The following PNPLA7 variants were observed in gnomAD, a reference collection of about 807,000 sequenced individuals.
PNPLA7 encodes the protein patatin like domain 7, lysophospholipase.
PNPLA7 carries 153 observed loss-of-function variants against 161.7 expected under a neutral mutation model. The ratio of observed to expected loss-of-function variants is 0.95; its 90% CI spans 0.83 to 1.08. The LOEUF (loss-of-function observed/expected upper bound fraction) is 1.08. Ranked by LOEUF, PNPLA7 falls within the 50% of genes least tolerant of loss-of-function variation. The pLI, the probability that PNPLA7 is intolerant of heterozygous loss-of-function variation, is 0.00. For missense variants in PNPLA7, 1,739 were observed against 1,856.6 expected, an observed-to-expected ratio of 0.94 and a Z score of 1.16; for synonymous variants, 809 against 782.1, an observed-to-expected ratio of 1.03 and a Z score of -0.57.
chr9:137,514,102 TGCGG>T (rs1834378782), intron 12 of PNPLA7, among the ~76,000 whole-genome samples: 1 of 147,330 alleles, frequency 6.8e-6, no homozygotes, highest in African/African-American at 2.6e-5. Flanking sequence ...GTGGCCGGGC[TGCGG>T]GCGGGTCACC....
intron 4 of PNPLA7, among the ~76,000 whole-genome samples, chr9:137,544,636 G>GT (rs1836389527): frequency 6.6e-6 from 1 of 152,102 alleles, no homozygotes; most frequent in South Asian, 2.1e-4. Context: ...TTTTCTTTTT[G>GT]TTTTTTGTTT....
At chr9:137,504,101 A>AG (rs1237721663) in intron 14 of PNPLA7, among the ~76,000 whole-genome samples, 2,969 of 151,382 alleles carry the variant, frequency 0.02, 111 homozygotes, top group African/African-American at 0.068. Context: ...AGAAGGAAGA[A>AG]GAAGAAAGAA....
chr9:137,531,707 G>A (rs1835589960), intron 8 of PNPLA7, among the ~76,000 whole-genome samples: 1 of 152,198 alleles, frequency 6.6e-6, no homozygotes, highest in African/African-American at 2.4e-5. Context: ...GAATCCTGGT[G>A]TGATGCCATT....
At position 137,467,402 on chromosome 9, in the gene PNPLA7, G is replaced by A. The variant is rs146837935; in HGVS notation, c.2954C>T (p.Thr985Met). The A allele has an allele frequency of 5.1e-4, 816 of 1,613,086 alleles. 1 individual carries two copies. Among genetic ancestry groups the A allele is most frequent in the Non-Finnish European group, 6.5e-4 (768 of 1,179,904 alleles). ...GGCACCCACGAAGGCCCCGATGGAC[G>A]TGCCTCCCACCATGTCCACAGGGAT... The part of the protein sequence containing the change: ...CGIPVDMVGG[T>M]SIGAFVGALY... Residue 985 changes from threonine to methionine, a missense_variant, in exon 26 of 35, where the codon ACG becomes ATG. Transcript: ENST00000406427. This position sits in a 1 kb window ranked among gnomAD's most constrained non-coding sequence, Gnocchi z 5.1.
intron 18 of PNPLA7, among the ~76,000 whole-genome samples, chr9:137,495,696 G>A (rs760648306): frequency 6.6e-5 from 10 of 152,156 alleles, no homozygotes; most frequent in Non-Finnish European, 1.3e-4. Context: ...CGCCGCCTCG[G>A]CCTCCCAAAG....
chr9:137,482,581 G>A (rs561117642), intron 21 of PNPLA7, among the ~76,000 whole-genome samples: 1 of 152,372 alleles, frequency 6.6e-6, no homozygotes, highest in South Asian at 2.1e-4. Flanking sequence ...GGGGTGCTGG[G>A]TGACAACATG....
At chr9:137,494,110 C>A (rs547055407) in intron 19 of PNPLA7, among the ~76,000 whole-genome samples, 2 of 152,196 alleles carry the variant, frequency 1.3e-5, no homozygotes, top group Non-Finnish European at 2.9e-5. Context: ...CACACCTGCA[C>A]CCCCTTTCCA....
intron 8 of PNPLA7, among the ~76,000 whole-genome samples, chr9:137,534,983 C>T (rs952070088): frequency 6.6e-6 from 1 of 152,144 alleles, no homozygotes; most frequent in Non-Finnish European, 1.5e-5. Flanking sequence ...TCCAACCGCA[C>T]GTTTTTTGTA....
chr9:137,509,553 CTGGTGTGAGTGA>C (rs1834104610), intron 12 of PNPLA7: 2 of 288,492 alleles, frequency 6.9e-6, no homozygotes, highest in Admixed American at 7.9e-5. Flanking sequence ...ATGAGTTTAA[CTGGTGTGAGTGA>C]GTTTAACTGG....
rs1458662076 is a variant in PNPLA7, at chr9:137,543,191, T to C, written c.506+241A>G. Among the ~76,000 whole-genome samples, 1 of 152,162 alleles carries C rather than the reference T, an allele frequency of 6.6e-6. No individual in the cohort carries two copies. The highest frequency in any genetic ancestry group is 1.9e-4 in the East Asian group (1 of 5,184). ...TGGATCCACCACACCCTTCTTGCTCTTGCCCTGGGTTCACCGCTGAAGATG... is the reference window on the plus strand; with the variant it reads ...TGGATCCACCACACCCTTCTTGCTCCTGCCCTGGGTTCACCGCTGAAGATG... On this transcript the variant is annotated intron_variant, in intron 6 of 34. Transcript: ENST00000406427. The surrounding 1 kb of genome is among the most constrained non-coding windows in gnomAD (Gnocchi z 6.9).
At chr9:137,502,704 GGGGGACGC>G (rs1833526387) in intron 14 of PNPLA7, among the ~76,000 whole-genome samples, 1 of 80,498 alleles carries the variant, frequency 1.2e-5, no homozygotes, top group African/African-American at 5.1e-5. Context: ...GGGGGGACGC[GGGGGACGC>G]GGGGGACGCG....
At chr9:137,480,939 G>GTC (rs1248104385) in intron 22 of PNPLA7, 21 bp downstream of exon 22, 1 of 1,550,968 alleles carries the variant, frequency 6.4e-7, no homozygotes, top group Non-Finnish European at 8.7e-7. Flanking sequence ...GGAGGAAGGA[G>GTC]TCGGGGCTGG....
chr9:137,502,727 A>G (rs192903720), intron 14 of PNPLA7, among the ~76,000 whole-genome samples: 40 of 63,998 alleles, frequency 6.3e-4, no homozygotes, highest in Non-Finnish European at 9.9e-4. Context: ...GACGCGGGGG[A>G]CGGGGGGGAC....
At chr9:137,483,085 C>T (rs920462593) in intron 21 of PNPLA7, among the ~76,000 whole-genome samples, 9 of 152,102 alleles carry the variant, frequency 5.9e-5, no homozygotes, top group East Asian at 5.8e-4. Flanking sequence ...TTGGCTAGGC[C>T]GGTCTCGAAC....
intron 11 of PNPLA7, among the ~76,000 whole-genome samples, chr9:137,518,096 A>T: frequency 1.6e-5 from 1 of 64,398 alleles, no homozygotes; most frequent in Admixed American, 1.9e-4. Flanking sequence ...CACTCACTCC[A>T]CTCTGTCCAC....
At chr9:137,501,413 C>T (rs2132290305) in intron 15 of PNPLA7, among the ~76,000 whole-genome samples, 1 of 152,350 alleles carries the variant, frequency 6.6e-6, no homozygotes, top group South Asian at 2.1e-4. Flanking sequence ...CTTGCCCGGC[C>T]CACTCTCAGG....
rs143758482 is a variant in PNPLA7 at position 137,460,718 on chromosome 9, C to G, written c.3861G>C (p.Thr1287=). Residue 1287 remains threonine, a synonymous_variant, in exon 34 of 35, where the codon ACG becomes ACC. Transcript: ENST00000406427. ...CGTCCAGCAGCTCCTCCTCGTACTC[C>G]GTCTGGTAGTCAGATTCGTCTGGCA... ...AMVDDESDYQ[T]EYEEELLDVP... is the part of the protein sequence containing the mutation. The G allele has an allele frequency of 1.2e-6, 2 of 1,612,766 alleles. No individual in the cohort carries two copies. Among genetic ancestry groups the G allele is most frequent in the African/African-American group, 1.3e-5 (1 of 75,066 alleles).
intron 14 of PNPLA7, 39 bp from the exon 15 acceptor site, chr9:137,501,766 G>A (rs1428744757): frequency 1.0e-5 from 16 of 1,594,604 alleles, no homozygotes; most frequent in South Asian, 7.8e-5. Context: ...CGGGCGGGAA[G>A]CATAAATGAA....
At chr9:137,519,292 C>T (rs551678945) in intron 11 of PNPLA7, among the ~76,000 whole-genome samples, 1 of 152,354 alleles carries the variant, frequency 6.6e-6, no homozygotes, top group East Asian at 1.9e-4. Flanking sequence ...CAGTGCACGC[C>T]GCACCCGACC....
Sources: gnomAD v4.1 joint callset for allele counts (sites outside exome capture counted in the v4.1 genomes callset) on GRCh38, gnomAD v4.1.1 for gene constraint, Gnocchi (gnomAD v3.1) non-coding constraint, MANE v1.5 for transcripts, NCBI Gene and HGNC (gene_info 2026-07-23, HGNC 2026-07-21) for gene names.